Variants in TBC1D5 observed in about 807,000 individuals in gnomAD.
TBC1D5 encodes the protein TBC1 domain family member 5.
TBC1D5 carries 75 observed loss-of-function variants against 100.3 expected under a neutral mutation model. That is an observed-to-expected ratio of 0.75 (90% CI 0.62 to 0.91). TBC1D5 has a LOEUF of 0.91. Ranked by LOEUF, TBC1D5 falls within the 40% of genes least tolerant of loss-of-function variation. The probability of loss-of-function intolerance (pLI) is 0.00; values close to 1 mark genes in which losing one functional copy is unlikely to be tolerated. For missense variants in TBC1D5, 910 were observed against 942.4 expected (o/e 0.97, Z 0.45); for synonymous variants, 323 against 325.6 (o/e 0.99, Z 0.09).
chr3:17,695,121 G>A (rs761310032), intron 1 of TBC1D5, among the ~76,000 whole-genome samples: 43 of 152,180 alleles, frequency 2.8e-4, no homozygotes, highest in African/African-American at 7.0e-4. Context: ...AGAAACAACC[G>A]GTACAAGCCA....
chr3:17,295,888 G>A (rs371816054), intron 14 of TBC1D5, among the ~76,000 whole-genome samples: 7 of 151,972 alleles, frequency 4.6e-5, no homozygotes, highest in Non-Finnish European at 8.8e-5. Flanking sequence ...TCCCCCTAAG[G>A]AAAGCATTAT....
intron 2 of TBC1D5, among the ~76,000 whole-genome samples, chr3:17,613,495 C>A (rs1270870388): frequency 3.3e-5 from 5 of 152,214 alleles, no homozygotes; most frequent in Non-Finnish European, 7.4e-5. Flanking sequence ...AATTTACACT[C>A]CCATCAACAG....
In TBC1D5 at chr3:17,690,204, A is replaced by ATTTTT. The variant is rs1199260338; in HGVS notation, c.-101+49134_-101+49138dup. 7.7e-4 allele frequency among the ~76,000 whole-genome samples: 36 copies of ATTTTT among 47,052 alleles called. 4 individuals are homozygous for ATTTTT. The highest frequency in any genetic ancestry group is 1.8e-3 in the African/African-American group (25 of 14,098). 30.9% of individuals were successfully genotyped at this position (47,052 alleles called of 152,430 possible). A position where few individuals can be genotyped will look rare whatever the true frequency, so the allele number is the denominator to read the frequency against. On this transcript the variant is annotated intron_variant, in intron 1 of 21. Transcript: ENST00000253692. ...AGAACTGAAGCATAAAAATAGCCAT[A>ATTTTT]TTTTTTTTTTTTTTTTTTTTTTTTT... is the stretch of plus-strand genomic sequence containing the variant.
intron 1 of TBC1D5, among the ~76,000 whole-genome samples, chr3:17,686,979 A>G (rs971786352): frequency 6.6e-6 from 1 of 152,114 alleles, no homozygotes; most frequent in Admixed American, 6.6e-5. Context: ...ACAAAATAAT[A>G]TATATTTGGT....
In TBC1D5 at chr3:17,293,400, C is replaced by A. The variant is rs148988745; in HGVS notation, c.1139-1399G>T. ...ATTAGTAATTGACCAAGAAAGAATT[C>A]TTATATATTTTGTAAAGAGGCAGGA... is the stretch of plus-strand genomic sequence containing the variant. On this transcript the variant is annotated intron_variant, in intron 14 of 21. Transcript: ENST00000253692. Among the ~76,000 whole-genome samples, 69 of 152,194 alleles carry A rather than the reference C, an allele frequency of 4.5e-4. 1 individual carries two copies. In the East Asian group the frequency reaches 0.013, roughly 29 times the overall value.
chr3:17,481,546 C>G (rs570821312), intron 3 of TBC1D5, among the ~76,000 whole-genome samples: 1 of 152,196 alleles, frequency 6.6e-6, no homozygotes, highest in Non-Finnish European at 1.5e-5. Context: ...CAGAGCGAGA[C>G]CTGTATAGCT....
chr3:17,696,283 C>G (rs547104958), intron 1 of TBC1D5, among the ~76,000 whole-genome samples: 2 of 151,928 alleles, frequency 1.3e-5, no homozygotes, highest in South Asian at 4.2e-4. Context: ...ACACAAAAAT[C>G]CCTTCAAAAA....
intron 2 of TBC1D5, among the ~76,000 whole-genome samples, chr3:17,583,169 C>CAGCTATTTG (rs1484712817): frequency 1.3e-5 from 2 of 151,854 alleles, no homozygotes; most frequent in Non-Finnish European, 2.9e-5. Flanking sequence ...CTTGAGGTCC[C>CAGCTATTTG]AGCTATTTGA....
intron 1 of TBC1D5, among the ~76,000 whole-genome samples, chr3:17,707,513 A>G (rs972032311): frequency 6.6e-6 from 1 of 152,164 alleles, no homozygotes; most frequent in African/African-American, 2.4e-5. Context: ...CCTTTACAAC[A>G]TCAACAAAAT....
chr3:17,679,382 T>C (rs2069133821), intron 1 of TBC1D5, among the ~76,000 whole-genome samples: 1 of 151,488 alleles, frequency 6.6e-6, no homozygotes, highest in Admixed American at 6.6e-5. Context: ...AAAAGTAATT[T>C]TAATACACAA....
intron 19 of TBC1D5, among the ~76,000 whole-genome samples, chr3:17,169,157 T>C (rs966978755): frequency 6.6e-6 from 1 of 152,222 alleles, no homozygotes; most frequent in Non-Finnish European, 1.5e-5. Context: ...TTATCATTGT[T>C]TGATGCATGT....
At chr3:17,726,406 G>C (rs548663715) in intron 1 of TBC1D5, among the ~76,000 whole-genome samples, 1 of 152,284 alleles carries the variant, frequency 6.6e-6, no homozygotes, top group East Asian at 1.9e-4. Flanking sequence ...AGCCATTGCT[G>C]ACTGGTATGA....
chr3:17,637,397 G>C (rs2064063526), intron 1 of TBC1D5, among the ~76,000 whole-genome samples: 1 of 151,196 alleles, frequency 6.6e-6, no homozygotes, highest in East Asian at 1.9e-4. Flanking sequence ...ATGTAGCCGA[G>C]TTTCTATGGA....
chr3:17,515,984 T>C (rs112745918), intron 2 of TBC1D5, among the ~76,000 whole-genome samples: 5,734 of 152,258 alleles, frequency 0.038, 162 homozygotes, highest in Non-Finnish European at 0.054. Context: ...CAGATTCACA[T>C]TGCACCAGTC....
chr3:17,479,110 AC>A (rs2095471678), intron 3 of TBC1D5, among the ~76,000 whole-genome samples: 1 of 152,218 alleles, frequency 6.6e-6, no homozygotes, highest in African/African-American at 2.4e-5. Flanking sequence ...TCATCTGAAA[AC>A]ATGCAAAGGC....
intron 1 of TBC1D5, among the ~76,000 whole-genome samples, chr3:17,678,329 T>C (rs976613725): frequency 1.3e-5 from 2 of 151,944 alleles, no homozygotes; most frequent in Non-Finnish European, 2.9e-5. Context: ...GCAAAATGAG[T>C]ACACAAAACA....
At chr3:17,228,300 G>T (rs370458503) in intron 17 of TBC1D5, among the ~76,000 whole-genome samples, 1 of 152,216 alleles carries the variant, frequency 6.6e-6, no homozygotes, top group Middle Eastern at 3.4e-3. Flanking sequence ...CCCTCCACTG[G>T]CCATAGTTCT....
At chr3:17,708,034 G>A (rs2074352614) in intron 1 of TBC1D5, among the ~76,000 whole-genome samples, 1 of 152,074 alleles carries the variant, frequency 6.6e-6, no homozygotes, top group South Asian at 2.1e-4. Context: ...ACACATAAAG[G>A]AATAACTAGA....
intron 9 of TBC1D5, among the ~76,000 whole-genome samples, chr3:17,379,361 A>G (rs2092838844): frequency 1.3e-5 from 2 of 152,022 alleles, no homozygotes; most frequent in African/African-American, 4.8e-5. Flanking sequence ...CTTTTTCCCC[A>G]AAATATATTT....
Sources: gnomAD v4.1 joint callset for allele counts (sites outside exome capture counted in the v4.1 genomes callset) on GRCh38, gnomAD v4.1.1 for gene constraint, MANE v1.5 for transcripts, NCBI Gene and HGNC (gene_info 2026-07-23, HGNC 2026-07-21) for gene names.